MAP4K5: variants seen among roughly 807,000 people sequenced by gnomAD.
MAP4K5 encodes the protein mitogen-activated protein kinase kinase kinase kinase 5.
MAP4K5 carries 82 observed loss-of-function variants against 135.6 expected under a neutral mutation model. The ratio of observed to expected loss-of-function variants is 0.60; its 90% CI spans 0.51 to 0.73. The LOEUF (loss-of-function observed/expected upper bound fraction) is 0.73, where lower values mean the gene tolerates loss of function less well. Among genes scored for constraint, MAP4K5 ranks in the 30% least tolerant of loss-of-function variants. The probability of loss-of-function intolerance (pLI) is 0.00; values close to 1 mark genes in which losing one functional copy is unlikely to be tolerated. For synonymous variants in MAP4K5, 347 were observed against 335.0 expected (o/e 1.04, Z -0.39); for missense variants, 907 against 1,010.9 (o/e 0.90, Z 1.39).
At chr14:50,532,773 G>C (rs899523025), upstream of MAP4K5, 9 of 152,908 alleles carry the variant, frequency 5.9e-5, no homozygotes, top group African/African-American at 2.2e-4. Flanking sequence ...GCGCGTCCTT[G>C]CAGGGCCTGG....
chr14:50,531,800 G>C (rs192825236), intron 2 of MAP4K5, 142 bp downstream of exon 2: 1 of 701,278 alleles, frequency 1.4e-6, no homozygotes, highest in Admixed American at 2.1e-5. Context: ...GCTCAGAACC[G>C]AGTAAAAGGG....
intron 1 of MAP4K5, among the ~76,000 whole-genome samples, chr14:50,553,094 A>C (rs147355337): frequency 3.3e-5 from 5 of 152,092 alleles, no homozygotes; most frequent in Admixed American, 3.3e-4. Context: ...CAGGAGTTCA[A>C]GACCAGCCTG....
intron 26 of MAP4K5, among the ~76,000 whole-genome samples, chr14:50,436,363 G>T (rs559654748): frequency 6.6e-6 from 1 of 152,202 alleles, no homozygotes; most frequent in East Asian, 1.9e-4. Flanking sequence ...GGGGGACTCT[G>T]GTCACTGGAT....
chr14:50,455,924 A>G (rs1373668417), intron 14 of MAP4K5, among the ~76,000 whole-genome samples: 1 of 152,146 alleles, frequency 6.6e-6, no homozygotes, highest in Admixed American at 6.6e-5. Context: ...TCATCTGTCA[A>G]TGATTATTAA....
At chr14:50,479,005 GTT>G (rs371399947) in intron 6 of MAP4K5, among the ~76,000 whole-genome samples, 5,306 of 151,302 alleles carry the variant, frequency 0.035, 99 homozygotes, top group Middle Eastern at 0.058. Context: ...AGTTTTTTTC[GTT>G]TTTTTTTTTT....
chr14:50,541,546 T>A (rs2038560104), intron 2 of MAP4K5, among the ~76,000 whole-genome samples: 1 of 152,206 alleles, frequency 6.6e-6, no homozygotes, highest in Non-Finnish European at 1.5e-5. Flanking sequence ...CCTGTATGAC[T>A]GCCACCTTGT....
chr14:50,539,145 T>C (rs2038530497), intron 2 of MAP4K5, among the ~76,000 whole-genome samples: 1 of 152,214 alleles, frequency 6.6e-6, no homozygotes, highest in Non-Finnish European at 1.5e-5. Flanking sequence ...TGATTACTTG[T>C]ATAAACTACT....
chr14:50,514,416 C>T (rs531018596), intron 2 of MAP4K5, among the ~76,000 whole-genome samples: 11 of 152,248 alleles, frequency 7.2e-5, no homozygotes, highest in African/African-American at 2.4e-4. Context: ...ATTTATTCAA[C>T]AAACATTACT....
Position 50,475,063 on chromosome 14 carries a change from C to T in MAP4K5, c.542+14G>A. 2 of 1,602,628 alleles carry T rather than the reference C, an allele frequency of 1.2e-6. No homozygotes were observed. The highest frequency in any genetic ancestry group is 2.2e-5 in the East Asian group (1 of 44,762). On this transcript the variant is annotated intron_variant, in intron 9 of 32. Transcript: ENST00000682126. ...AATGAAAATGGATCAAATTCAATCA[C>T]AGTAATGTCTTACCAGTAAGGGGTG... is the stretch of plus-strand genomic sequence containing the variant.
At chr14:50,473,848 C>T (rs887641428) in intron 9 of MAP4K5, among the ~76,000 whole-genome samples, 9 of 151,752 alleles carry the variant, frequency 5.9e-5, no homozygotes, top group South Asian at 4.2e-4. Flanking sequence ...CTCAGCCTCC[C>T]GAGGAGCTGG....
intron 27 of MAP4K5, 85 bp from the exon 28 acceptor site, chr14:50,434,656 TC>T: frequency 8.6e-7 from 1 of 1,166,558 alleles, no homozygotes; most frequent in Non-Finnish European, 1.2e-6. Flanking sequence ...ACAGAAAGAC[TC>T]CTATCTTCTT....
chr14:50,543,676 T>C (rs2038593871), intron 1 of MAP4K5, among the ~76,000 whole-genome samples: 2 of 152,136 alleles, frequency 1.3e-5, no homozygotes, highest in Admixed American at 1.3e-4. Flanking sequence ...GGATGTAGTA[T>C]AGGACTCAAC....
In MAP4K5 at chr14:50,531,957, G is replaced by C; in HGVS notation, c.93C>G (p.Tyr31Ter). The change falls in exon 2 of 33, where the codon TAC (tyrosine) becomes TAG (stop). Residue 31 changes from tyrosine (Y) to a stop codon, truncating the protein, a stop_gained. Coordinates refer to ENST00000682126, the MANE Select transcript of MAP4K5 (RefSeq NM_006575.6). LOFTEE classifies it high-confidence loss of function. ...ELVQRVGSGT[Y>*]GDVYKARNVH... ...CCTCACTTACCTTATAGACGTCCCC[G>C]TAGGTGCCGCTGCCGACCCTCTGGA... The C allele has an allele frequency of 6.2e-7, 1 of 1,600,908 alleles. No individual in the cohort carries two copies. The highest frequency in any genetic ancestry group is 8.5e-7 in the Non-Finnish European group (1 of 1,173,742).
chr14:50,560,535 A>G (rs1007605400), intron 1 of MAP4K5: 22 of 574,148 alleles, frequency 3.8e-5, no homozygotes, highest in Non-Finnish European at 6.5e-5. Context: ...CCGGGCCTCC[A>G]GCTCCTTCTT....
At chr14:50,535,292 C>A (rs934173803), upstream of MAP4K5, among the ~76,000 whole-genome samples, 1 of 152,176 alleles carries the variant, frequency 6.6e-6, no homozygotes, top group African/African-American at 2.4e-5. Context: ...ACATAAAATG[C>A]TTTATCTTAT....
At position 50,429,272 on chromosome 14, in the gene MAP4K5, A is replaced by G; in HGVS notation, c.2165-12T>C. 6.6e-7 allele frequency: 1 copy of G among 1,523,424 alleles called. No individual in the cohort carries two copies. The highest frequency in any genetic ancestry group is 8.9e-7 in the Non-Finnish European group (1 of 1,121,092). 94.4% of individuals were successfully genotyped at this position (1,523,424 alleles called of 1,614,324 possible). Reference sequence around the variant, plus strand: ...TAACTGCTGGCTGCCTTAGGAAGTAAAAAACAAGGTTACAATTATACTTTT... The same window carrying G: ...TAACTGCTGGCTGCCTTAGGAAGTAGAAAACAAGGTTACAATTATACTTTT... On this transcript the variant is annotated splice_polypyrimidine_tract_variant and intron_variant, in intron 28 of 32. Coordinates refer to ENST00000682126, the MANE Select transcript of MAP4K5 (RefSeq NM_006575.6).
chr14:50,552,022 C>A (rs1232198814), intron 1 of MAP4K5, among the ~76,000 whole-genome samples: 1 of 152,000 alleles, frequency 6.6e-6, no homozygotes, highest in Admixed American at 6.6e-5. Context: ...AGCAGTCAGA[C>A]AAAAGAAAGA....
At chr14:50,485,967 AG>A (rs2037354063) in intron 4 of MAP4K5, 136 bp downstream of exon 4, 1 of 573,134 alleles carries the variant, frequency 1.7e-6, no homozygotes. Flanking sequence ...CCGTAGAAAT[AG>A]GAAAACCTTA....
At chr14:50,512,648 A>G (rs959311197) in intron 2 of MAP4K5, among the ~76,000 whole-genome samples, 2 of 152,184 alleles carry the variant, frequency 1.3e-5, no homozygotes, top group African/African-American at 2.4e-5. Flanking sequence ...TTTTTAAAAC[A>G]GAGAGCAGTA....
Sources: allele counts gnomAD v4.1 joint callset (sites outside exome capture counted in the v4.1 genomes callset), GRCh38; gene constraint gnomAD v4.1.1; transcripts MANE v1.5; gene names NCBI Gene and HGNC (gene_info 2026-07-23, HGNC 2026-07-21).